PLEKHB1: variants seen among roughly 807,000 people sequenced by gnomAD.
PLEKHB1 encodes the protein pleckstrin homology domain-containing family B member 1.
PLEKHB1 carries 29 observed loss-of-function variants against 36.2 expected under a neutral mutation model. The ratio of observed to expected loss-of-function variants is 0.80; its 90% CI spans 0.60 to 1.09. The LOEUF (loss-of-function observed/expected upper bound fraction) is 1.09, where lower values mean the gene tolerates loss of function less well. Ranked by LOEUF, PLEKHB1 falls within the 50% of genes least tolerant of loss-of-function variation. The pLI is 0.00. For synonymous variants in PLEKHB1, 138 were observed against 140.0 expected, an observed-to-expected ratio of 0.99 and a Z score of 0.10; for missense variants, 330 against 348.2, an observed-to-expected ratio of 0.95 and a Z score of 0.42.
chr11:73,652,996 G>A lies in PLEKHB1; in HGVS notation c.372G>A (p.Leu124=), dbSNP rs748239888. 3.4e-5 allele frequency: 54 copies of A among 1,609,964 alleles called. 1 individual carries two copies. In the Middle Eastern group the frequency reaches 5.0e-4, roughly 15 times the overall value. The change falls in exon 5 of 8, where the codon CTG becomes CTA. Residue 124 remains leucine, a synonymous_variant. Coordinates refer to ENST00000354190, the MANE Select transcript of PLEKHB1 (RefSeq NM_021200.3). The part of the protein sequence containing the change: ...DDALAWKTAL[L]EANSTPAPAG... ...GCAGAGCATGGAAGACAGCACTGCT[G>A]GAGGCAAACTCCACCCCGGTGAGTC...
chr11:73,650,546 C>T lies in PLEKHB1; in HGVS notation c.95-7C>T, dbSNP rs751028968. On this transcript the variant is annotated splice_polypyrimidine_tract_variant and splice_region_variant and intron_variant, in intron 2 of 7. Coordinates refer to ENST00000354190, the MANE Select transcript of PLEKHB1 (RefSeq NM_021200.3). ...AGCCTGCCTAGTGCATCTGGAATAT[C>T]GTACAGGCTCCATCCTCCGCCGCTG... 47 of 1,602,786 alleles carry T rather than the reference C, an allele frequency of 2.9e-5. No homozygotes were observed. Among genetic ancestry groups the T allele is most frequent in the Non-Finnish European group, 3.7e-5 (43 of 1,174,864 alleles).
chr11:73,661,624 AC>A lies in PLEKHB1; in HGVS notation c.*26del. 6.5e-7 allele frequency: 1 copy of A among 1,547,114 alleles called. No homozygotes were observed. Among genetic ancestry groups the A allele is most frequent in the East Asian group, 2.3e-5 (1 of 43,820 alleles). On this transcript the variant is annotated 3_prime_UTR_variant, in exon 8 of 8. Transcript: ENST00000354190. This position sits in a 1 kb window ranked among gnomAD's most constrained non-coding sequence, Gnocchi z 4.6. ...CTGAGCCCTGGGACTCGGAGCACTG[AC>A]CCCTGCGCTTGGATTGCTAGACTCC...
At chr11:73,647,547 T>C in intron 1 of PLEKHB1, 1 of 985,420 alleles carries the variant, frequency 1.0e-6, no homozygotes, top group Non-Finnish European at 1.2e-6. Context: ...TCTCTTCACG[T>C]CACTCCCCCT....
At chr11:73,658,748 C>T (rs1010824086) in intron 6 of PLEKHB1, among the ~76,000 whole-genome samples, 2 of 152,216 alleles carry the variant, frequency 1.3e-5, no homozygotes, top group Non-Finnish European at 2.9e-5. Context: ...TCCCAAATAG[C>T]TGGGCCCACG....
At chr11:73,655,704 G>T in intron 5 of PLEKHB1, 99 bp from the exon 6 acceptor site, 2 of 1,015,086 alleles carry the variant, frequency 2.0e-6, no homozygotes, top group Non-Finnish European at 3.0e-6. Flanking sequence ...GGAGGGCTCT[G>T]GTAGGGTCTG....
intron 1 of PLEKHB1, among the ~76,000 whole-genome samples, chr11:73,648,518 G>T (rs1295015139): frequency 6.6e-6 from 1 of 152,188 alleles, no homozygotes; most frequent in Non-Finnish European, 1.5e-5. Context: ...CCAAATAGGA[G>T]GGAGCTTTTC....
At chr11:73,647,476 G>A in intron 1 of PLEKHB1, 1 of 767,702 alleles carries the variant, frequency 1.3e-6, no homozygotes, top group Non-Finnish European at 1.6e-6. Flanking sequence ...TTGCAGGCGG[G>A]GCTGCTTCTG....
chr11:73,656,471 G>T (rs887154092), intron 6 of PLEKHB1, among the ~76,000 whole-genome samples: 3 of 152,180 alleles, frequency 2.0e-5, no homozygotes, highest in Admixed American at 6.5e-5. Flanking sequence ...ACACAGTGGG[G>T]CTCAGGGAAT....
intron 6 of PLEKHB1, among the ~76,000 whole-genome samples, chr11:73,657,789 G>C (rs559652008): frequency 6.6e-6 from 1 of 152,326 alleles, no homozygotes; most frequent in South Asian, 2.1e-4. Context: ...TGGGCCTGGA[G>C]CCTGGATCTT....
At chr11:73,659,952 C>T (rs1945070509) in intron 6 of PLEKHB1, among the ~76,000 whole-genome samples, 1 of 152,274 alleles carries the variant, frequency 6.6e-6, no homozygotes, top group Middle Eastern at 3.4e-3. Context: ...CAATGATGGA[C>T]CACATATACA....
chr11:73,650,728 G>T (rs1235368998), intron 3 of PLEKHB1, 23 bp downstream of exon 3: 12 of 1,577,376 alleles, frequency 7.6e-6, no homozygotes, highest in Non-Finnish European at 1.0e-5. Context: ...CCCTTCCTCT[G>T]TGGCACCGTG....
chr11:73,654,728 A>G (rs1944960366), intron 5 of PLEKHB1, among the ~76,000 whole-genome samples: 1 of 152,228 alleles, frequency 6.6e-6, no homozygotes, highest in South Asian at 2.1e-4. Context: ...GCACATATGC[A>G]TGCGTCTAAG....
At position 73,661,559 on chromosome 11, in the gene PLEKHB1, GGGC is replaced by G; in HGVS notation, c.694_696del (p.Ala232del). The G allele has an allele frequency of 6.2e-7, 1 of 1,607,514 alleles. No individual in the cohort carries two copies. The highest frequency in any genetic ancestry group is 8.5e-7 in the Non-Finnish European group (1 of 1,176,640). On this transcript the variant is annotated inframe_deletion, in exon 8 of 8. Coordinates refer to ENST00000354190, the MANE Select transcript of PLEKHB1 (RefSeq NM_021200.3). This position sits in a 1 kb window ranked among gnomAD's most constrained non-coding sequence, Gnocchi z 4.6. The stretch of plus-strand genomic sequence containing the variant: ...GGCATGCTTGCGGGAGCCGCCACTG[GGGC>G]GGCGCTGGGCTCGCTCATGTGGTCG...
At chr11:73,650,188 C>T (rs1944858690) in intron 2 of PLEKHB1, among the ~76,000 whole-genome samples, 1 of 152,158 alleles carries the variant, frequency 6.6e-6, no homozygotes, top group Admixed American at 6.5e-5. Flanking sequence ...GCACTCCAGC[C>T]TGAGTGACAG....
At chr11:73,650,191 A>G (rs1393680405) in intron 2 of PLEKHB1, among the ~76,000 whole-genome samples, 1 of 152,188 alleles carries the variant, frequency 6.6e-6, no homozygotes, top group Non-Finnish European at 1.5e-5. Context: ...CTCCAGCCTG[A>G]GTGACAGAGC....
intron 3 of PLEKHB1, chr11:73,651,398 C>T (rs597784): frequency 0.051 from 24,181 of 474,782 alleles, 4,615 homozygotes; most frequent in African/African-American, 0.42. Context: ...CCTTTAGTGC[C>T]TTTCTCCTCT....
At chr11:73,657,887 C>T (rs1945025431) in intron 6 of PLEKHB1, among the ~76,000 whole-genome samples, 1 of 152,208 alleles carries the variant, frequency 6.6e-6, no homozygotes, top group Non-Finnish European at 1.5e-5. Flanking sequence ...CTTGTCTGAG[C>T]CTCTTGCATT....
rs777849684 is a variant in PLEKHB1 at position 73,651,852 on chromosome 11, C to T, written c.312C>T (p.Gly104=). The change falls in exon 4 of 8, where the codon GGC becomes GGT. Residue 104 remains glycine, a synonymous_variant. Transcript: ENST00000354190. ...TGACTGTGAACCTACGGGAAGGCGG[C>T]CGCCTGCACCTCTGTGCGGAGACCA... ...GLLTVNLREG[G]RLHLCAETKD... 3.1e-6 allele frequency: 5 copies of T among 1,613,566 alleles called. No individual in the cohort carries two copies. Among genetic ancestry groups the T allele is most frequent in the Non-Finnish European group, 4.2e-6 (5 of 1,179,872 alleles).
At chr11:73,653,653 G>T (rs1347370591) in intron 5 of PLEKHB1, among the ~76,000 whole-genome samples, 1 of 152,224 alleles carries the variant, frequency 6.6e-6, no homozygotes, top group Non-Finnish European at 1.5e-5. Flanking sequence ...AACAGAAATT[G>T]ACTGGGTGAA....
Sources: gnomAD v4.1 joint callset for allele counts (sites outside exome capture counted in the v4.1 genomes callset) on GRCh38, gnomAD v4.1.1 for gene constraint, Gnocchi (gnomAD v3.1) non-coding constraint, MANE v1.5 for transcripts, NCBI Gene and HGNC (gene_info 2026-07-23, HGNC 2026-07-21) for gene names.